The following CACNA2D4 variants were observed in gnomAD, a reference collection of about 807,000 sequenced individuals.
CACNA2D4 encodes the protein calcium voltage-gated channel auxiliary subunit alpha2delta 4.
CACNA2D4 carries 157 observed loss-of-function variants against 163.8 expected under a neutral mutation model. That is an observed-to-expected ratio of 0.96 (90% CI 0.84 to 1.09). CACNA2D4 has a LOEUF of 1.09. Among genes scored for constraint, CACNA2D4 ranks in the 50% least tolerant of loss-of-function variants. The pLI is 0.00. For missense variants in CACNA2D4, 1,410 were observed against 1,479.9 expected, an observed-to-expected ratio of 0.95 and a Z score of 0.78; for synonymous variants, 598 against 586.9, an observed-to-expected ratio of 1.02 and a Z score of -0.27.
rs1473183137 is a variant in CACNA2D4 at position 1,878,209 on chromosome 12, G to C, written c.1719+106C>G. On this transcript the variant is annotated intron_variant, in intron 16 of 37. Transcript: ENST00000382722. This position sits in a 1 kb window ranked among gnomAD's most constrained non-coding sequence, Gnocchi z 4.6. ...TTTTTTTTCTCATATTACCCACTGG[G>C]TTCCTAAATGGAGCCCAATGTGTGT... 6.3e-6 allele frequency: 8 copies of C among 1,268,874 alleles called. No individual in the cohort carries two copies. The South Asian group carries it at 7.7e-5, about 12-fold the overall frequency. The allele number at this position is 1,268,874 out of a possible 1,614,324, so 78.6% of individuals were successfully genotyped here. A position where few individuals can be genotyped will look rare whatever the true frequency, so the allele number is the denominator to read the frequency against.
Position 1,810,330 on chromosome 12 carries a change from C to A in CACNA2D4, c.2669G>T (p.Cys890Phe), listed in dbSNP as rs1366837082. The A allele has an allele frequency of 6.2e-7, 1 of 1,613,882 alleles. No homozygotes were observed. Among genetic ancestry groups the A allele is most frequent in the South Asian group, 1.1e-5 (1 of 91,012 alleles). ...GAACCCGTTGTTGTCGATGACGAAGCAGTCCAGATCCTGGGAGGAAACCCA... is the reference window on the plus strand; with the variant it reads ...GAACCCGTTGTTGTCGATGACGAAGAAGTCCAGATCCTGGGAGGAAACCCA... Reference protein sequence around the residue: ...TQSCEDSDLDCFVIDNNGFIL... With the variant: ...TQSCEDSDLDFFVIDNNGFIL... The change falls in exon 29 of 38, where the codon TGC becomes TTC. Residue 890 changes from cysteine (C) to phenylalanine (F), a missense_variant. By Grantham distance (205) the Cys-to-Phe change is radical. Transcript: ENST00000382722.
chr12:1,824,950 G>A (rs759741006), intron 26 of CACNA2D4, among the ~76,000 whole-genome samples: 17 of 152,224 alleles, frequency 1.1e-4, no homozygotes, highest in Non-Finnish European at 2.2e-4. Context: ...GAAGCCCAAG[G>A]GACCCAGGGA....
intron 2 of CACNA2D4, among the ~76,000 whole-genome samples, chr12:1,914,552 C>A (rs1866914276): frequency 6.6e-6 from 1 of 152,154 alleles, no homozygotes; most frequent in Non-Finnish European, 1.5e-5. Context: ...TGCATCCACT[C>A]CCTCCGTCTC....
At chr12:1,915,118 C>T in intron 1 of CACNA2D4, 183 bp from the exon 2 acceptor site, 1 of 705,792 alleles carries the variant, frequency 1.4e-6, no homozygotes, top group Non-Finnish European at 2.6e-6. Flanking sequence ...CACGTACACA[C>T]ACATACATAC....
At chr12:1,852,627 G>T (rs748543553) in intron 23 of CACNA2D4, among the ~76,000 whole-genome samples, 4 of 152,090 alleles carry the variant, frequency 2.6e-5, no homozygotes, top group Non-Finnish European at 5.9e-5. Context: ...TTCCTAGGAA[G>T]TCTTTTCTGA....
intron 6 of CACNA2D4, among the ~76,000 whole-genome samples, chr12:1,894,259 A>G (rs1866352491): frequency 6.6e-6 from 1 of 152,172 alleles, no homozygotes; most frequent in African/African-American, 2.4e-5. Context: ...GCCTCCCAAC[A>G]AAGGAAAATC....
chr12:1,846,734 A>G, intron 23 of CACNA2D4, 45 bp from the exon 24 acceptor site: 1 of 1,497,474 alleles, frequency 6.7e-7, no homozygotes, highest in East Asian at 2.4e-5. Context: ...TGGCTGTGGC[A>G]AGAGCTTGGG....
intron 4 of CACNA2D4, 93 bp downstream of exon 4, chr12:1,909,813 G>A (rs1420322658): frequency 9.9e-6 from 10 of 1,012,156 alleles, no homozygotes; most frequent in South Asian, 5.5e-5. Flanking sequence ...TCAGTGGATC[G>A]CCACCCTACG....
Position 1,885,252 on chromosome 12 carries a change from G to A in CACNA2D4, c.1069-176C>T, listed in dbSNP as rs563516482. On this transcript the variant is annotated intron_variant, in intron 9 of 37. Coordinates refer to ENST00000382722, the MANE Select transcript of CACNA2D4 (RefSeq NM_172364.5). The stretch of plus-strand genomic sequence containing the variant: ...CCTCTACAATAGGTGTTTCTCAAAT[G>A]TCCCCAAGATAAACTGAGAGAGGGG... Among the ~76,000 whole-genome samples the A allele has an allele frequency of 2.6e-5, 4 of 152,304 alleles. No homozygotes were observed. The South Asian group carries it at 8.3e-4, about 32-fold the overall frequency.
In CACNA2D4 at chr12:1,828,521, C is replaced by T. The variant is rs879045575; in HGVS notation, c.2551+12218G>A. On this transcript the variant is annotated intron_variant, in intron 26 of 37. Transcript: ENST00000382722. This position sits in a 1 kb window ranked among gnomAD's most constrained non-coding sequence, Gnocchi z 4.2. ...GCTGGGGTCCCCAACAGGAGAAGAG[C>T]TCTGCTGGAATGCAGGCCTGCTGAG... Among the ~76,000 whole-genome samples, 10 of 152,230 alleles carry T rather than the reference C, an allele frequency of 6.6e-5. No homozygotes were observed. The highest frequency in any genetic ancestry group is 2.6e-4 in the Admixed American group (4 of 15,288).
chr12:1,864,924 C>A (rs1384244234), intron 18 of CACNA2D4, among the ~76,000 whole-genome samples: 2 of 152,150 alleles, frequency 1.3e-5, no homozygotes, highest in Non-Finnish European at 2.9e-5. Context: ...CCGGCTAGAA[C>A]CTGCATTCAT....
intron 31 of CACNA2D4, chr12:1,800,771 C>A: frequency 1.7e-6 from 1 of 593,432 alleles, no homozygotes; most frequent in Non-Finnish European, 3.0e-6. Flanking sequence ...GGGGCTGAGG[C>A]TGGGGCAGGC....
intron 18 of CACNA2D4, among the ~76,000 whole-genome samples, chr12:1,872,222 C>G (rs1049872220): frequency 1.3e-5 from 2 of 152,200 alleles, no homozygotes; most frequent in African/African-American, 2.4e-5. Flanking sequence ...GGTGTGTGTT[C>G]TCTCATCTGC....
chr12:1,895,372 T>C (rs868460921), intron 6 of CACNA2D4, among the ~76,000 whole-genome samples: 14 of 151,436 alleles, frequency 9.2e-5, no homozygotes, highest in South Asian at 4.2e-4. Context: ...TAGAAAAAAA[T>C]CATAAAATTC....
At chr12:1,914,285 T>G (rs956710626) in intron 2 of CACNA2D4, among the ~76,000 whole-genome samples, 1 of 151,882 alleles carries the variant, frequency 6.6e-6, no homozygotes, top group African/African-American at 2.4e-5. Flanking sequence ...CTCTGGGGAG[T>G]TACAAATATT....
chr12:1,854,102 A>G, intron 22 of CACNA2D4, 58 bp from the exon 23 acceptor site: 1 of 1,263,904 alleles, frequency 7.9e-7, no homozygotes, highest in Non-Finnish European at 1.1e-6. Context: ...CATGAACACA[A>G]CTCTCCCATC....
rs998847117 is a variant in CACNA2D4, at chr12:1,797,679, G to A, written c.2996-144C>T. 22 of 701,936 alleles carry A rather than the reference G, an allele frequency of 3.1e-5. No homozygotes were observed. The Admixed American group carries it at 3.3e-4, about 11-fold the overall frequency. 43.5% of individuals were successfully genotyped at this position (701,936 alleles called of 1,614,324 possible). A position where few individuals can be genotyped will look rare whatever the true frequency, so the allele number is the denominator to read the frequency against. ...GCAGTTCTCAGGACACGCGTGGGAG[G>A]AGCCGGGCGGGGGGTGAGGGGAGGG... On this transcript the variant is annotated intron_variant, in intron 34 of 37. Transcript: ENST00000382722.
chr12:1,844,293 A>C lies in CACNA2D4; in HGVS notation c.2470+109T>G. 7.5e-7 allele frequency: 1 copy of C among 1,333,812 alleles called. No individual in the cohort carries two copies. The highest frequency in any genetic ancestry group is 1.0e-6 in the Non-Finnish European group (1 of 973,926). The allele number at this position is 1,333,812 out of a possible 1,614,324, so 82.6% of individuals were successfully genotyped here. Reference sequence around the variant, plus strand: ...CAGGAGGGGAACCCTGGTGGTCTGGACATTCTATTCCATATCTCGTTCCCA... The same window carrying C: ...CAGGAGGGGAACCCTGGTGGTCTGGCCATTCTATTCCATATCTCGTTCCCA... On this transcript the variant is annotated intron_variant, in intron 25 of 37. Coordinates refer to ENST00000382722, the MANE Select transcript of CACNA2D4 (RefSeq NM_172364.5). The surrounding 1 kb of genome is among the most constrained non-coding windows in gnomAD (Gnocchi z 4.2).
intron 19 of CACNA2D4, among the ~76,000 whole-genome samples, chr12:1,858,858 C>T (rs1269053918): frequency 6.6e-6 from 1 of 152,170 alleles, no homozygotes; most frequent in Non-Finnish European, 1.5e-5. Flanking sequence ...GCCTTCCTTC[C>T]TAAGCAGGAC....
Sources: gnomAD v4.1 joint callset for allele counts (sites outside exome capture counted in the v4.1 genomes callset) on GRCh38, gnomAD v4.1.1 for gene constraint, Gnocchi (gnomAD v3.1) non-coding constraint, MANE v1.5 for transcripts, NCBI Gene and HGNC (gene_info 2026-07-23, HGNC 2026-07-21) for gene names.